The following DOP1A variants were observed in gnomAD, a reference collection of about 807,000 sequenced individuals.
DOP1A encodes the protein DOP1 leucine zipper like protein A.
A neutral mutation model predicts 267.6 loss-of-function variants in DOP1A; 90 were observed. The observed-to-expected ratio is 0.34, with a 90% confidence interval of 0.28 to 0.40. The LOEUF (loss-of-function observed/expected upper bound fraction) is 0.40, where lower values mean the gene tolerates loss of function less well. Among genes scored for constraint, DOP1A ranks in the 10% least tolerant of loss-of-function variants. The probability of loss-of-function intolerance (pLI) is 1.00; values close to 1 mark genes in which losing one functional copy is unlikely to be tolerated. For synonymous variants in DOP1A, 932 were observed against 999.1 expected (o/e 0.93, Z 1.27); for missense variants, 2,437 against 2,900.4 (o/e 0.84, Z 3.67).
chr6:83,157,615 A>G (rs1332328066), intron 35 of DOP1A, among the ~76,000 whole-genome samples: 1 of 152,194 alleles, frequency 6.6e-6, no homozygotes, highest in Non-Finnish European at 1.5e-5. Context: ...GTCATGGCCT[A>G]CAGTCCTGAC....
chr6:83,118,636 CAAAG>C (rs1196034851), intron 7 of DOP1A, among the ~76,000 whole-genome samples: 1 of 152,028 alleles, frequency 6.6e-6, no homozygotes, highest in Non-Finnish European at 1.5e-5. Context: ...ATTATATAGA[CAAAG>C]AACTTTAAAC....
chr6:83,166,997 CTT>C (rs1785874416), intron 38 of DOP1A: 1 of 985,838 alleles, frequency 1.0e-6, no homozygotes, highest in Middle Eastern at 5.2e-4. Context: ...CCTGTTCTCT[CTT>C]ATCTTTCTCT....
In DOP1A at chr6:83,110,067, T is replaced by G. The variant is rs73483036; in HGVS notation, c.492-58T>G. 3.1e-3 allele frequency: 4,591 copies of G among 1,478,692 alleles called. 121 individuals carry two copies. In the African/African-American group the frequency reaches 0.053, roughly 17 times the overall value. The allele number at this position is 1,478,692 out of a possible 1,614,324, so 91.6% of individuals were successfully genotyped here. ...TACATTTTTGGAAAAGAATGATTTA[T>G]TTTTTAAAATATGAAACTAAATGTT... On this transcript the variant is annotated intron_variant, in intron 5 of 38. Coordinates refer to ENST00000349129, the MANE Select transcript of DOP1A (RefSeq NM_015018.4).
intron 19 of DOP1A, 30 bp from the exon 20 acceptor site, chr6:83,135,589 C>G: frequency 6.3e-7 from 1 of 1,587,716 alleles, no homozygotes. Context: ...ATGTTTGGTT[C>G]TTTATTTTAA....
At chr6:83,169,516 C>T (rs986053670), downstream of DOP1A, 11 of 601,144 alleles carry the variant, frequency 1.8e-5, no homozygotes, top group Admixed American at 2.4e-4. Context: ...GGAAAACAGA[C>T]CAAATTCTTC....
intron 1 of DOP1A, among the ~76,000 whole-genome samples, chr6:83,076,245 C>T (rs926657450): frequency 3.3e-5 from 5 of 152,078 alleles, no homozygotes; most frequent in East Asian, 1.9e-4. Context: ...ATATTGAGGC[C>T]GGGTGTGGTG....
rs1010565409 is a variant in DOP1A, at chr6:83,156,171, C to G, written c.6604+68C>G. On this transcript the variant is annotated intron_variant, in intron 34 of 38. Transcript: ENST00000349129. ...TTTTGGTTCCTTAGAAAATACTTCT[C>G]TAAATACTAAGTTGGGGTAAAATAT... The G allele has an allele frequency of 3.9e-6, 5 of 1,297,742 alleles. 1 individual carries two copies. In the South Asian group the frequency reaches 5.7e-5, roughly 15 times the overall value. The allele number at this position is 1,297,742 out of a possible 1,614,324, so 80.4% of individuals were successfully genotyped here.
At chr6:83,136,157 T>G (rs1778834429) in intron 20 of DOP1A, among the ~76,000 whole-genome samples, 1 of 152,150 alleles carries the variant, frequency 6.6e-6, no homozygotes, top group African/African-American at 2.4e-5. Context: ...GAAATATCTT[T>G]AGAGCTTAGT....
At chr6:83,132,662 G>A (rs1016353295) in intron 18 of DOP1A, among the ~76,000 whole-genome samples, 1 of 152,116 alleles carries the variant, frequency 6.6e-6, no homozygotes, top group African/African-American at 2.4e-5. Context: ...AGAGGCCTCA[G>A]TTATGGAACT....
At chr6:83,124,463 CA>C (rs1250332068) in intron 12 of DOP1A, among the ~76,000 whole-genome samples, 1 of 152,098 alleles carries the variant, frequency 6.6e-6, no homozygotes, top group African/African-American at 2.4e-5. Flanking sequence ...AAGTGAGATC[CA>C]TTCAGAACAC....
chr6:83,169,710 G>A (rs1786685906), downstream of DOP1A: 1 of 459,330 alleles, frequency 2.2e-6, no homozygotes, highest in African/African-American at 2.0e-5. Context: ...AGCTTCTGCA[G>A]GAAAGCTGCC....
intron 33 of DOP1A, 89 bp from the exon 34 acceptor site, chr6:83,155,862 T>C (rs1782688526): frequency 6.9e-7 from 1 of 1,451,900 alleles, no homozygotes; most frequent in Non-Finnish European, 9.2e-7. Context: ...CAGTTTTGGA[T>C]GTCATAGAGC....
chr6:83,153,277 TC>T (rs1782097036), intron 30 of DOP1A: 2 of 300,848 alleles, frequency 6.6e-6, no homozygotes, highest in Non-Finnish European at 1.2e-5. Flanking sequence ...TTTTTGTACT[TC>T]CCTATCTCAG....
At chr6:83,079,463 C>T (rs369284314) in intron 1 of DOP1A, among the ~76,000 whole-genome samples, 1 of 152,146 alleles carries the variant, frequency 6.6e-6, no homozygotes, top group East Asian at 1.9e-4. Context: ...TAAATTGGAA[C>T]ACACTAGGAA....
At chr6:83,168,748 G>C (rs937171770), downstream of DOP1A, 4 of 999,770 alleles carry the variant, frequency 4.0e-6, no homozygotes, top group Non-Finnish European at 3.6e-6. Flanking sequence ...GATGGCATTA[G>C]TCATATAGGT....
chr6:83,157,353 T>C (rs978045268), intron 35 of DOP1A, 35 bp downstream of exon 35: 2 of 1,600,434 alleles, frequency 1.2e-6, no homozygotes, highest in Non-Finnish European at 1.7e-6. Context: ...GTTATAAATC[T>C]AAATGATAAA....
chr6:83,111,308 G>A (rs1418690272), intron 6 of DOP1A, among the ~76,000 whole-genome samples: 1 of 151,552 alleles, frequency 6.6e-6, no homozygotes, highest in Non-Finnish European at 1.5e-5. Context: ...TATTTTTTGG[G>A]TGTTAAAAAT....
At chr6:83,071,271 G>A (rs1785539657) in intron 1 of DOP1A, among the ~76,000 whole-genome samples, 1 of 151,956 alleles carries the variant, frequency 6.6e-6, no homozygotes, top group African/African-American at 2.4e-5. Context: ...GAGTGCAGTG[G>A]AGTGAGCTCA....
intron 18 of DOP1A, 56 bp downstream of exon 18, chr6:83,132,384 C>G (rs1583049218): frequency 1.1e-6 from 1 of 909,286 alleles, no homozygotes; most frequent in Admixed American, 2.9e-5. Flanking sequence ...CACACACACA[C>G]AAATACTGAA....
Sources: gnomAD v4.1 joint callset for allele counts (sites outside exome capture counted in the v4.1 genomes callset) on GRCh38, gnomAD v4.1.1 for gene constraint, MANE v1.5 for transcripts, NCBI Gene and HGNC (gene_info 2026-07-23, HGNC 2026-07-21) for gene names.